AKAP6: variants seen among roughly 807,000 people sequenced by gnomAD.
AKAP6 encodes A-kinase anchor protein 6.
AKAP6 carries 58 observed loss-of-function variants against 188.5 expected under a neutral mutation model. The ratio of observed to expected loss-of-function variants is 0.31; its 90% CI spans 0.25 to 0.38. AKAP6 has a LOEUF of 0.38. Ranked by LOEUF, AKAP6 falls within the 10% of genes least tolerant of loss-of-function variation. The pLI is 1.00. For synonymous variants in AKAP6, 989 were observed against 998.6 expected (o/e 0.99, Z 0.18); for missense variants, 2,710 against 2,740.0 (o/e 0.99, Z 0.24).
chr14:32,448,921 ACTTGATTCTACAAT>A (rs889146612), intron 2 of AKAP6, among the ~76,000 whole-genome samples: 2 of 152,210 alleles, frequency 1.3e-5, no homozygotes, highest in African/African-American at 4.8e-5. Context: ...AGCAATGCAT[ACTTGATTCTACAAT>A]CTTGATTCTA....
chr14:32,737,859 G>A (rs1331296307), intron 11 of AKAP6, among the ~76,000 whole-genome samples: 11 of 152,132 alleles, frequency 7.2e-5, no homozygotes, highest in South Asian at 4.1e-4. Flanking sequence ...ACAGAACTGC[G>A]TTTCCTTCTA....
rs539057347 is a variant in AKAP6 at position 32,824,286 on chromosome 14, C to A, written c.6473C>A (p.Ala2158Asp). 3 of 1,613,810 alleles carry A rather than the reference C, an allele frequency of 1.9e-6. No individual in the cohort carries two copies. Among genetic ancestry groups the A allele is most frequent in the Non-Finnish European group, 2.5e-6 (3 of 1,179,904 alleles). Residue 2158 changes from alanine (A) to aspartate (D), a missense_variant, in exon 13 of 14, where the codon GCC becomes GAC. Physicochemically the swap from Ala to Asp is moderately radical, Grantham distance 126. Coordinates refer to ENST00000280979, the MANE Select transcript of AKAP6 (RefSeq NM_004274.5). The stretch of plus-strand genomic sequence containing the variant: ...GAAGATATTGAATGCTTTTTTGAGG[C>A]CTGTGTTGAGGGTGACTCTGATGGA... ...DKEDIECFFE[A>D]CVEGDSDGEE...
intron 2 of AKAP6, among the ~76,000 whole-genome samples, chr14:32,524,975 CACT>C (rs1238473011): frequency 1.3e-5 from 2 of 152,140 alleles, no homozygotes; most frequent in Non-Finnish European, 2.9e-5. Flanking sequence ...TAAGAACCAC[CACT>C]GTCTTCTCTA....
chr14:32,786,298 CTTTTTTTTT>C (rs1162974012), intron 12 of AKAP6, among the ~76,000 whole-genome samples: 4 of 82,558 alleles, frequency 4.8e-5, no homozygotes, highest in African/African-American at 1.9e-4. Context: ...AAACCTTTAT[CTTTTTTTTT>C]TTTTTTTTTT....
intron 1 of AKAP6, among the ~76,000 whole-genome samples, chr14:32,412,985 A>G (rs548449926): frequency 1.2e-3 from 188 of 152,226 alleles, no homozygotes; most frequent in African/African-American, 4.4e-3. Context: ...ACCATGTGCC[A>G]TTTTATATAC....
rs376383929 is a variant in AKAP6, at chr14:32,613,524, T to G, written c.2730+12732T>G. 9.2e-5 allele frequency among the ~76,000 whole-genome samples: 14 copies of G among 152,332 alleles called. No homozygotes were observed. In the East Asian group the frequency reaches 2.3e-3, roughly 25 times the overall value. On this transcript the variant is annotated intron_variant, in intron 7 of 13. Coordinates refer to ENST00000280979, the MANE Select transcript of AKAP6 (RefSeq NM_004274.5). ...CTGTCTCATTTCTTTTCTTCTTTTC[T>G]GCTGCTCATCCCCAAAGCTTTCATT...
chr14:32,570,069 C>T (rs1206734354), intron 4 of AKAP6, among the ~76,000 whole-genome samples: 2 of 148,522 alleles, frequency 1.3e-5, no homozygotes, highest in African/African-American at 4.9e-5. Flanking sequence ...ATGACTCCCT[C>T]TTCTAAATGC....
chr14:32,657,565 T>C (rs1403183015), intron 7 of AKAP6, among the ~76,000 whole-genome samples: 1 of 152,188 alleles, frequency 6.6e-6, no homozygotes, highest in Non-Finnish European at 1.5e-5. Flanking sequence ...TGTGTCTAAA[T>C]ATTGCCTTAT....
At chr14:32,553,639 T>A (rs1229794314) in intron 4 of AKAP6, among the ~76,000 whole-genome samples, 1 of 152,224 alleles carries the variant, frequency 6.6e-6, no homozygotes, top group African/African-American at 2.4e-5. Flanking sequence ...TACTTACATA[T>A]TTTTTAAGAA....
At position 32,830,632 on chromosome 14, in the gene AKAP6, T is replaced by A. The variant is rs1357302113; in HGVS notation, c.*827T>A. 6.6e-6 allele frequency: 1 copy of A among 152,628 alleles called. No homozygotes were observed. Among genetic ancestry groups the A allele is most frequent in the Non-Finnish European group, 1.5e-5 (1 of 68,034 alleles). 9.5% of individuals were successfully genotyped at this position (152,628 alleles called of 1,614,324 possible). A position where few individuals can be genotyped will look rare whatever the true frequency, so the allele number is the denominator to read the frequency against. On this transcript the variant is annotated 3_prime_UTR_variant, in exon 14 of 14. Transcript: ENST00000280979. ...GTTTGAAAGGAGGAAATAGCAAGGTTAAGATGTGTGAATAATTTCTGTATA... is the reference window on the plus strand; with the variant it reads ...GTTTGAAAGGAGGAAATAGCAAGGTAAAGATGTGTGAATAATTTCTGTATA...
intron 2 of AKAP6, among the ~76,000 whole-genome samples, chr14:32,528,307 C>T (rs1882231434): frequency 1.4e-5 from 2 of 146,756 alleles, no homozygotes; most frequent in African/African-American, 5.1e-5. Flanking sequence ...AGTAGGTCTA[C>T]CCTTAAGTCT....
chr14:32,457,279 AG>A (rs1891177588), intron 2 of AKAP6, among the ~76,000 whole-genome samples: 1 of 152,196 alleles, frequency 6.6e-6, no homozygotes, highest in Non-Finnish European at 1.5e-5. Context: ...CAAGTGGGAA[AG>A]GGGGAAAGGC....
chr14:32,720,333 C>G (rs1044315343), intron 9 of AKAP6, among the ~76,000 whole-genome samples: 1 of 152,134 alleles, frequency 6.6e-6, no homozygotes. Flanking sequence ...AGACTAAAGG[C>G]AAGTGAATAT....
chr14:32,629,455 C>T (rs1340404690), intron 7 of AKAP6, among the ~76,000 whole-genome samples: 3 of 141,712 alleles, frequency 2.1e-5, no homozygotes, highest in East Asian at 4.1e-4. Context: ...AGAAGGCAGT[C>T]ATGTTTTTTT....
chr14:32,546,320 C>G lies in AKAP6; in HGVS notation c.1667C>G (p.Pro556Arg), dbSNP rs1027737496. Residue 556 changes from proline to arginine, a missense_variant, in exon 4 of 14, where the codon CCT becomes CGT. By Grantham distance (103) the Pro-to-Arg change is moderately radical. Around this residue, in one of 2 missense-constraint regions of AKAP6, gnomAD observed 2,473 missense variants for 2,426.1 expected, o/e 1.02. Transcript: ENST00000280979. ...TNSASTSSLE[P>R]CNQRSWNAKL... is the part of the protein sequence containing the mutation. ...TCTGCTTCCACATCCTCACTTGAGC[C>G]TTGTAATCAGAGAAGTTGGAATGCC... 2.5e-6 allele frequency: 4 copies of G among 1,614,068 alleles called. No homozygotes were observed. In the African/African-American group the frequency reaches 5.3e-5, roughly 22 times the overall value.
At chr14:32,398,405 C>A (rs979497042) in intron 1 of AKAP6, among the ~76,000 whole-genome samples, 9 of 152,228 alleles carry the variant, frequency 5.9e-5, no homozygotes, top group African/African-American at 2.2e-4. Context: ...CTTTGCATTT[C>A]TTTTAACATC....
chr14:32,798,701 A>G (rs1259799084), intron 12 of AKAP6, among the ~76,000 whole-genome samples: 2 of 152,116 alleles, frequency 1.3e-5, no homozygotes, highest in Non-Finnish European at 2.9e-5. Context: ...AAAGGAAACA[A>G]TGGACACTGG....
At chr14:32,744,220 T>C (rs1157780030) in intron 11 of AKAP6, among the ~76,000 whole-genome samples, 1 of 152,204 alleles carries the variant, frequency 6.6e-6, no homozygotes, top group Non-Finnish European at 1.5e-5. Flanking sequence ...TTCTTTATCC[T>C]TGACCTTTGG....
At chr14:32,734,195 GTTTTAATTGGCATGATTACA>G (rs1253160559) in intron 10 of AKAP6, 1 of 151,964 alleles carries the variant, frequency 6.6e-6, no homozygotes, top group Non-Finnish European at 1.5e-5. Flanking sequence ...CAGGCATACT[GTTTTAATTGGCATGATTACA>G]TTTTAATTGG....
Sources: gnomAD v4.1 joint callset for allele counts (sites outside exome capture counted in the v4.1 genomes callset) on GRCh38, gnomAD v4.1.1 for gene constraint, gnomAD v4.1.1 regional missense constraint, MANE v1.5 for transcripts, NCBI Gene and HGNC (gene_info 2026-07-23, HGNC 2026-07-21) for gene names.